DPH6: variants seen among roughly 807,000 people sequenced by gnomAD.
DPH6 encodes diphthine--ammonia ligase.
Under a neutral mutation model 38.2 loss-of-function variants are expected in DPH6, and 33 were observed. The observed-to-expected ratio is 0.86, with a 90% confidence interval of 0.65 to 1.15. The LOEUF is 1.15. Ranked by LOEUF, DPH6 falls within the 50% of genes most tolerant of loss-of-function variation. The pLI, the probability that DPH6 is intolerant of heterozygous loss-of-function variation, is 0.00. For missense variants in DPH6, 325 were observed against 320.0 expected (o/e 1.02, Z -0.12); for synonymous variants, 108 against 103.0 (o/e 1.05, Z -0.30).
At chr15:35,533,669 AATTT>A (rs1179521171) in intron 3 of DPH6, among the ~76,000 whole-genome samples, 6 of 150,136 alleles carry the variant, frequency 4.0e-5, no homozygotes, top group Non-Finnish European at 7.4e-5. Context: ...TTTATTATTA[AATTT>A]ATTATTTATG....
At chr15:35,501,589 AG>A (rs981606559) in intron 3 of DPH6, among the ~76,000 whole-genome samples, 3 of 152,206 alleles carry the variant, frequency 2.0e-5, no homozygotes, top group Admixed American at 6.5e-5. Context: ...AGTATTGGAA[AG>A]TCAGTACAGT....
intron 3 of DPH6, among the ~76,000 whole-genome samples, chr15:35,279,870 C>G (rs1037642240): frequency 1.3e-5 from 2 of 152,122 alleles, no homozygotes; most frequent in Admixed American, 6.6e-5. Context: ...TATTTGGAGT[C>G]AGCTTTTAGA....
intron 3 of DPH6, among the ~76,000 whole-genome samples, chr15:35,272,144 A>G (rs1258517374): frequency 1.3e-5 from 2 of 152,200 alleles, no homozygotes; most frequent in Non-Finnish European, 2.9e-5. Flanking sequence ...TACAATAAAA[A>G]AACACAAAAA....
chr15:35,201,584 A>G, the DPH6 span, among the ~76,000 whole-genome samples: 1 of 151,838 alleles, frequency 6.6e-6, no homozygotes, highest in African/African-American at 2.4e-5. Flanking sequence ...TCCCATTTAG[A>G]GGCATAATTC....
At chr15:35,215,663 C>T (rs538041988), downstream of DPH6, among the ~76,000 whole-genome samples, 8 of 152,358 alleles carry the variant, frequency 5.3e-5, no homozygotes, top group Admixed American at 3.9e-4. Flanking sequence ...CTAGCCACTA[C>T]ACCCAGCTGA....
chr15:35,505,162 G>C (rs1341297299), intron 3 of DPH6, among the ~76,000 whole-genome samples: 1 of 152,056 alleles, frequency 6.6e-6, no homozygotes, highest in Non-Finnish European at 1.5e-5. Flanking sequence ...ATAAGTGTTA[G>C]GTAGATTGAA....
chr15:35,282,864 G>A (rs538963787), intron 3 of DPH6: 24 of 340,166 alleles, frequency 7.1e-5, no homozygotes, highest in South Asian at 5.6e-4. Flanking sequence ...AGCTTAAGGT[G>A]GATGAAGACC....
intron 5 of DPH6, among the ~76,000 whole-genome samples, chr15:35,437,353 T>C (rs1407346961): frequency 6.6e-6 from 1 of 152,186 alleles, no homozygotes; most frequent in Non-Finnish European, 1.5e-5. Flanking sequence ...AGATGAGTAA[T>C]TGGGTCCCCC....
At chr15:35,512,356 A>G (rs1402127433) in intron 3 of DPH6, among the ~76,000 whole-genome samples, 1 of 152,152 alleles carries the variant, frequency 6.6e-6, no homozygotes, top group Non-Finnish European at 1.5e-5. Context: ...CCTAGTAGAA[A>G]AAAAAAGTTA....
At chr15:35,313,995 T>C (rs989063333) in intron 3 of DPH6, among the ~76,000 whole-genome samples, 2 of 150,946 alleles carry the variant, frequency 1.3e-5, no homozygotes, top group African/African-American at 2.4e-5. Flanking sequence ...CAACAATCAA[T>C]AGAGTGAAGA....
chr15:35,445,608 T>C (rs2141067052), intron 5 of DPH6, among the ~76,000 whole-genome samples: 1 of 152,222 alleles, frequency 6.6e-6, no homozygotes, highest in East Asian at 1.9e-4. Flanking sequence ...ATGCATGAAA[T>C]ACATGTAGCT....
chr15:35,462,344 C>T (rs1263185057), intron 3 of DPH6, among the ~76,000 whole-genome samples: 1 of 152,198 alleles, frequency 6.6e-6, no homozygotes, highest in African/African-American at 2.4e-5. Context: ...TCAGTGACTT[C>T]CCATTCTATT....
chr15:35,224,526 C>T lies in DPH6; in HGVS notation n.201-3944G>A, dbSNP rs568230842. 1.9e-4 allele frequency among the ~76,000 whole-genome samples: 29 copies of T among 152,272 alleles called. No individual in the cohort carries two copies. In the South Asian group the frequency reaches 5.6e-3, roughly 29 times the overall value. ...TTAGCAATTATGAATAAAGCTGCTA[C>T]GAACATTCATGTATTGGTTTTTTAA... is the stretch of plus-strand genomic sequence containing the variant. On this transcript the variant is annotated intron_variant and non_coding_transcript_variant, in intron 3 of 3. Coordinates refer to the DPH6 transcript ENST00000560386.
intron 3 of DPH6, among the ~76,000 whole-genome samples, chr15:35,263,118 C>T (rs2140420056): frequency 6.6e-6 from 1 of 152,286 alleles, no homozygotes; most frequent in Admixed American, 6.5e-5. Context: ...TAACTTATTA[C>T]TTCTGATAAC....
At chr15:35,267,674 T>C (rs2051791717) in intron 3 of DPH6, among the ~76,000 whole-genome samples, 1 of 152,212 alleles carries the variant, frequency 6.6e-6, no homozygotes, top group Non-Finnish European at 1.5e-5. Flanking sequence ...GACACCTTGT[T>C]AATGTTACAT....
the DPH6 span, among the ~76,000 whole-genome samples, chr15:35,184,106 C>T: frequency 2.0e-5 from 3 of 152,118 alleles, no homozygotes; most frequent in African/African-American, 7.2e-5. Context: ...AATCAGACTG[C>T]AACAGATGTA....
rs2055200946 is a variant in DPH6, at chr15:35,538,256, A to G, written c.312+18T>C. ...TTACACACTAAATCCAATATACTTA[A>G]TTGGTTACTCTGCATACCTTAACAA... On this transcript the variant is annotated intron_variant, in intron 3 of 8. Coordinates refer to ENST00000256538, the MANE Select transcript of DPH6 (RefSeq NM_080650.4). 6.9e-7 allele frequency: 1 copy of G among 1,443,776 alleles called. No individual in the cohort carries two copies. The highest frequency in any genetic ancestry group is 9.3e-7 in the Non-Finnish European group (1 of 1,077,788). 89.4% of individuals were successfully genotyped at this position (1,443,776 alleles called of 1,614,324 possible).
chr15:35,335,864 TGGC>T (rs991048689), intron 3 of DPH6, among the ~76,000 whole-genome samples: 2 of 152,104 alleles, frequency 1.3e-5, no homozygotes, highest in African/African-American at 2.4e-5. Flanking sequence ...CTTGGCTCTT[TGGC>T]CTGTGTTTTG....
chr15:35,305,716 T>A (rs2052085183), intron 3 of DPH6, among the ~76,000 whole-genome samples: 1 of 152,118 alleles, frequency 6.6e-6, no homozygotes, highest in Non-Finnish European at 1.5e-5. Flanking sequence ...CAGTTACAAT[T>A]TAGTATTCAA....
Sources: allele counts gnomAD v4.1 joint callset (sites outside exome capture counted in the v4.1 genomes callset), GRCh38; gene constraint gnomAD v4.1.1; transcripts MANE v1.5; gene names NCBI Gene and HGNC (gene_info 2026-07-23, HGNC 2026-07-21).